Variants in INPP4A observed in about 807,000 individuals in gnomAD.
The protein encoded by INPP4A is inositol polyphosphate-4-phosphatase, type I, 107kD.
A neutral mutation model predicts 119.8 loss-of-function variants in INPP4A; 33 were observed. That is an observed-to-expected ratio of 0.28 (90% CI 0.21 to 0.37). INPP4A has a LOEUF of 0.37. Among genes scored for constraint, INPP4A ranks in the 10% least tolerant of loss-of-function variants. The pLI is 1.00. For missense variants in INPP4A, 956 were observed against 1,289.9 expected, an observed-to-expected ratio of 0.74 and a Z score of 3.97; for synonymous variants, 496 against 500.7, an observed-to-expected ratio of 0.99 and a Z score of 0.12.
At chr2:98,550,341 C>A (rs1693282822) in intron 13 of INPP4A, among the ~76,000 whole-genome samples, 1 of 152,152 alleles carries the variant, frequency 6.6e-6, no homozygotes, top group Admixed American at 6.5e-5. Flanking sequence ...CCTCCCAATC[C>A]TCCTACCCTT....
At position 98,508,841 on chromosome 2, in the gene INPP4A, T is replaced by A. The variant is rs79969856; in HGVS notation, c.-165-10123T>A. 6.7e-4 allele frequency among the ~76,000 whole-genome samples: 102 copies of A among 152,064 alleles called. 2 individuals carry two copies. In the East Asian group the frequency reaches 0.01, roughly 15 times the overall value. ...TCTGACAGCAGACCGCCATGTACAG[T>A]GTTCCTGTTGTCTTTGTCTGTGGTA... On this transcript the variant is annotated intron_variant, in intron 1 of 24. Transcript: ENST00000409851.
chr2:98,572,973 C>G (rs1697749321), intron 23 of INPP4A, 46 bp downstream of exon 23: 1 of 1,340,624 alleles, frequency 7.5e-7, no homozygotes, highest in East Asian at 2.5e-5. Flanking sequence ...GTGCCCACAG[C>G]TGAACGTCAT....
At position 98,459,261 on chromosome 2, in the gene INPP4A, A is replaced by G. The variant is rs188049899; in HGVS notation, c.-166+14176A>G. ...GGAAAATCAGCACTCTGATTGCCTC[A>G]CCTGGTTTCCCGCCCACTCCTCCCT... is the stretch of plus-strand genomic sequence containing the variant. On this transcript the variant is annotated intron_variant, in intron 1 of 24. Coordinates refer to ENST00000409851, the MANE Select transcript of INPP4A (RefSeq NM_001134225.2). 1.3e-3 allele frequency among the ~76,000 whole-genome samples: 196 copies of G among 152,292 alleles called. No homozygotes were observed. In the Middle Eastern group the frequency reaches 0.017, roughly 13 times the overall value.
intron 4 of INPP4A, among the ~76,000 whole-genome samples, chr2:98,525,928 A>G (rs965608732): frequency 2.0e-5 from 3 of 152,248 alleles, no homozygotes; most frequent in African/African-American, 7.2e-5. Context: ...TTGGCTTCTC[A>G]TAAAGTTAAA....
intron 1 of INPP4A, among the ~76,000 whole-genome samples, chr2:98,501,824 C>A (rs1000984691): frequency 6.6e-6 from 1 of 152,214 alleles, no homozygotes; most frequent in Non-Finnish European, 1.5e-5. Context: ...TCCAACTCTA[C>A]ATCAGTTGCG....
intron 1 of INPP4A, among the ~76,000 whole-genome samples, chr2:98,510,924 T>C (rs555889445): frequency 3.3e-5 from 5 of 152,294 alleles, no homozygotes; most frequent in Admixed American, 2.6e-4. Flanking sequence ...ACAGTAGGGC[T>C]TGGGAAATGG....
chr2:98,457,144 C>T (rs1696265760), intron 1 of INPP4A, among the ~76,000 whole-genome samples: 1 of 152,218 alleles, frequency 6.6e-6, no homozygotes, highest in African/African-American at 2.4e-5. Context: ...TGGGCCTTGT[C>T]CCTGGGTATG....
intron 1 of INPP4A, among the ~76,000 whole-genome samples, chr2:98,486,107 T>C (rs1287011842): frequency 6.6e-6 from 1 of 152,194 alleles, no homozygotes; most frequent in African/African-American, 2.4e-5. Context: ...AGGTTTCTCC[T>C]CTCTATAATG....
chr2:98,476,982 T>C (rs955716411), intron 1 of INPP4A, among the ~76,000 whole-genome samples: 1 of 152,236 alleles, frequency 6.6e-6, no homozygotes, highest in African/African-American at 2.4e-5. Flanking sequence ...TAGAAGAGCC[T>C]CTGGGGTATC....
intron 1 of INPP4A, among the ~76,000 whole-genome samples, chr2:98,512,699 C>G (rs1178558387): frequency 6.6e-6 from 1 of 152,208 alleles, no homozygotes; most frequent in Admixed American, 6.5e-5. Context: ...TTAAGTGCCC[C>G]GCCTCCCACT....
chr2:98,562,978 G>A (rs1248560011), intron 17 of INPP4A, among the ~76,000 whole-genome samples: 2 of 152,154 alleles, frequency 1.3e-5, no homozygotes, highest in Non-Finnish European at 2.9e-5. Context: ...TTGCACACAA[G>A]GCTTGGCAAG....
Position 98,591,332 on chromosome 2 carries a change from C to T in INPP4A, c.*3724C>T, listed in dbSNP as rs1381869489. On this transcript the variant is annotated 3_prime_UTR_variant, in exon 25 of 25. Transcript: ENST00000409851. ...ATTATTAACAGTTTCTACCTTCACT[C>T]TCATGTCTCAGGATTATTTTTTCAG... 1 of 155,670 alleles carries T rather than the reference C, an allele frequency of 6.4e-6. No homozygotes were observed. Among genetic ancestry groups the T allele is most frequent in the Non-Finnish European group, 1.4e-5 (1 of 70,218 alleles). 9.6% of individuals were successfully genotyped at this position (155,670 alleles called of 1,614,324 possible).
At chr2:98,529,807 A>C (rs897567997) in intron 4 of INPP4A, among the ~76,000 whole-genome samples, 5 of 152,212 alleles carry the variant, frequency 3.3e-5, no homozygotes, top group Admixed American at 3.3e-4. Flanking sequence ...ATGATATGTG[A>C]ATCATATCTT....
rs1038062466 is a variant in INPP4A, at chr2:98,481,505, A to T, written c.-166+36420A>T. Among the ~76,000 whole-genome samples the T allele has an allele frequency of 2.0e-5, 3 of 152,274 alleles. 1 individual carries two copies. Among genetic ancestry groups the T allele is most frequent in the Middle Eastern group, 3.4e-3 (1 of 294 alleles). On this transcript the variant is annotated intron_variant, in intron 1 of 24. Coordinates refer to ENST00000409851, the MANE Select transcript of INPP4A (RefSeq NM_001134225.2). ...GGTGCTGGTTTCTTTAGGGAGCTGC[A>T]TTTGGCTTAAGGCTGGCATATGTTT...
rs185866752 is a variant in INPP4A, at chr2:98,585,624, G to A, written c.2787-1852G>A. 3.9e-3 allele frequency among the ~76,000 whole-genome samples: 592 copies of A among 152,308 alleles called. 4 individuals carry two copies. The highest frequency in any genetic ancestry group is 0.013 in the African/African-American group (554 of 41,550). On this transcript the variant is annotated intron_variant, in intron 24 of 24. Coordinates refer to ENST00000409851, the MANE Select transcript of INPP4A (RefSeq NM_001134225.2). ...TCGCCCCGGGCCCTCTTGCCAGCTC[G>A]TCCGCACAGGCAGGTGGTGGGATAA...
intron 1 of INPP4A, among the ~76,000 whole-genome samples, chr2:98,502,520 T>C (rs755293128): frequency 1.3e-5 from 2 of 152,144 alleles, no homozygotes; most frequent in African/African-American, 4.8e-5. Context: ...ATTTTACATA[T>C]GATATGTGAC....
chr2:98,574,087 C>T (rs1334859856), intron 23 of INPP4A, among the ~76,000 whole-genome samples: 1 of 152,148 alleles, frequency 6.6e-6, no homozygotes, highest in Non-Finnish European at 1.5e-5. Flanking sequence ...GCAGGTTTCT[C>T]AGGCCTCATT....
At chr2:98,505,993 T>C (rs1014571807) in intron 1 of INPP4A, among the ~76,000 whole-genome samples, 15 of 152,290 alleles carry the variant, frequency 9.8e-5, no homozygotes, top group East Asian at 7.7e-4. Context: ...AATTTCAGCT[T>C]AATTTAAGAA....
chr2:98,576,933 G>GTGC, intron 23 of INPP4A, 56 bp from the exon 24 acceptor site: 1 of 1,575,664 alleles, frequency 6.3e-7, no homozygotes, highest in South Asian at 1.2e-5. Context: ...TGTGTGAAGG[G>GTGC]TGCTGCCTTT....
Sources: gnomAD v4.1 joint callset for allele counts (sites outside exome capture counted in the v4.1 genomes callset) on GRCh38, gnomAD v4.1.1 for gene constraint, MANE v1.5 for transcripts, NCBI Gene and HGNC (gene_info 2026-07-23, HGNC 2026-07-21) for gene names.